Variants in PRKG1 observed in about 807,000 individuals in gnomAD.
The protein encoded by PRKG1 is protein kinase cGMP-dependent 1.
PRKG1 carries 35 observed loss-of-function variants against 88.1 expected under a neutral mutation model. The observed-to-expected ratio is 0.40, with a 90% CI of 0.30 to 0.53. The LOEUF is 0.53. Ranked by LOEUF, PRKG1 falls within the 20% of genes least tolerant of loss-of-function variation. The probability of loss-of-function intolerance (pLI) is 0.59; values close to 1 mark genes in which losing one functional copy is unlikely to be tolerated. For synonymous variants in PRKG1, 303 were observed against 292.5 expected, an observed-to-expected ratio of 1.04 and a Z score of -0.37; for missense variants, 540 against 839.8, an observed-to-expected ratio of 0.64 and a Z score of 4.41.
Position 51,805,928 on chromosome 10 carries a change from A to T in PRKG1, c.698+1238A>T, listed in dbSNP as rs1589302762. Among the ~76,000 whole-genome samples, 3 of 152,282 alleles carry T rather than the reference A, an allele frequency of 2.0e-5. No homozygotes were observed. In the South Asian group the frequency reaches 6.2e-4, roughly 32 times the overall value. ...GATTGGATGAAGAAACACTTAGAAG[A>T]GGTAGAAATGTAAATTCCTATTTGA... On this transcript the variant is annotated intron_variant, in intron 4 of 17. Coordinates refer to ENST00000373980, the MANE Select transcript of PRKG1 (RefSeq NM_006258.4).
chr10:51,635,114 C>T (rs1839622788), intron 3 of PRKG1, among the ~76,000 whole-genome samples: 1 of 151,838 alleles, frequency 6.6e-6, no homozygotes, highest in African/African-American at 2.4e-5. Flanking sequence ...AAAAGAATGC[C>T]TGGTAATTTG....
intron 1 of PRKG1, among the ~76,000 whole-genome samples, chr10:51,066,853 T>A (rs1356879802): frequency 6.6e-6 from 1 of 152,076 alleles, no homozygotes; most frequent in Non-Finnish European, 1.5e-5. Flanking sequence ...TTTATTACCA[T>A]TTTAAGGAAG....
At chr10:51,913,176 G>A (rs190099332) in intron 5 of PRKG1, among the ~76,000 whole-genome samples, 2 of 152,106 alleles carry the variant, frequency 1.3e-5, no homozygotes, top group Non-Finnish European at 2.9e-5. Context: ...TGATCCGCCC[G>A]CCTTGGCCTC....
chr10:52,033,701 T>C (rs1362454968), intron 5 of PRKG1, among the ~76,000 whole-genome samples: 1 of 152,096 alleles, frequency 6.6e-6, no homozygotes, highest in Non-Finnish European at 1.5e-5. Flanking sequence ...ATTATGAAAG[T>C]AGTGCAGGAG....
intron 1 of PRKG1, among the ~76,000 whole-genome samples, chr10:51,134,112 C>T (rs1231708764): frequency 2.0e-5 from 3 of 152,154 alleles, no homozygotes; most frequent in African/African-American, 7.2e-5. Context: ...TAATATCCGC[C>T]ATTATCAGAA....
At chr10:52,253,357 T>G (rs959376318) in intron 10 of PRKG1, 2 of 151,984 alleles carry the variant, frequency 1.3e-5, no homozygotes, top group African/African-American at 4.8e-5. Context: ...TTTGAAATAC[T>G]GAAAATAACT....
chr10:52,089,031 A>G (rs1176499609), intron 7 of PRKG1, among the ~76,000 whole-genome samples: 1 of 152,242 alleles, frequency 6.6e-6, no homozygotes, highest in African/African-American at 2.4e-5. Flanking sequence ...CGTTATTTTT[A>G]GAGTCAGAAA....
At chr10:52,167,178 A>G (rs1589666821) in intron 9 of PRKG1, among the ~76,000 whole-genome samples, 1 of 152,214 alleles carries the variant, frequency 6.6e-6, no homozygotes, top group Non-Finnish European at 1.5e-5. Flanking sequence ...GTTCTTGGCG[A>G]GGCCACTGGA....
intron 9 of PRKG1, among the ~76,000 whole-genome samples, chr10:52,172,477 C>T (rs1397652801): frequency 1.3e-5 from 2 of 152,182 alleles, no homozygotes; most frequent in Non-Finnish European, 2.9e-5. Flanking sequence ...TCCAGAGCCC[C>T]CAGAGAACAG....
chr10:51,637,296 A>G (rs1839680519), intron 3 of PRKG1, among the ~76,000 whole-genome samples: 1 of 152,190 alleles, frequency 6.6e-6, no homozygotes, highest in Non-Finnish European at 1.5e-5. Context: ...GTGGAGAAAA[A>G]GGAATTCCTT....
chr10:51,695,615 TG>T (rs1564610190), intron 3 of PRKG1: 1 of 152,190 alleles, frequency 6.6e-6, no homozygotes, highest in East Asian at 1.9e-4. Context: ...AATCTCAAAA[TG>T]ATCGAGCCAA....
At chr10:51,307,663 A>G (rs1446780009) in intron 2 of PRKG1, among the ~76,000 whole-genome samples, 1 of 152,174 alleles carries the variant, frequency 6.6e-6, no homozygotes, top group East Asian at 1.9e-4. Context: ...CATTAGACCA[A>G]ATATTCTATG....
At chr10:51,479,552 CT>C (rs1434038317) in intron 3 of PRKG1, among the ~76,000 whole-genome samples, 1 of 151,704 alleles carries the variant, frequency 6.6e-6, no homozygotes, top group Non-Finnish European at 1.5e-5. Flanking sequence ...TATTAGTGTC[CT>C]TTTTCTTCTA....
intron 3 of PRKG1, among the ~76,000 whole-genome samples, chr10:51,583,788 C>T (rs533457131): frequency 6.6e-6 from 1 of 152,166 alleles, no homozygotes. Context: ...TGCATATATA[C>T]TATAATGGAG....
intron 4 of PRKG1, among the ~76,000 whole-genome samples, chr10:51,898,973 A>G (rs959329688): frequency 1.3e-5 from 2 of 152,220 alleles, no homozygotes; most frequent in African/African-American, 4.8e-5. Context: ...GTAGTGAGAG[A>G]GAAAAAACAT....
At chr10:51,411,152 A>G (rs186978808) in intron 2 of PRKG1, among the ~76,000 whole-genome samples, 1 of 152,228 alleles carries the variant, frequency 6.6e-6, no homozygotes, top group Admixed American at 6.5e-5. Context: ...GGTGTGCACC[A>G]CCACGCTTGG....
chr10:51,234,344 G>T, intron 2 of PRKG1, among the ~76,000 whole-genome samples: 1 of 152,048 alleles, frequency 6.6e-6, no homozygotes, highest in Middle Eastern at 3.2e-3. Flanking sequence ...AGTCTTTTCT[G>T]CCCAGATTGC....
intron 4 of PRKG1, among the ~76,000 whole-genome samples, chr10:51,888,578 C>G (rs1327372406): frequency 6.6e-6 from 1 of 152,184 alleles, no homozygotes; most frequent in Non-Finnish European, 1.5e-5. Flanking sequence ...ATGGTGGCCT[C>G]TCCCTAGAGC....
intron 9 of PRKG1, among the ~76,000 whole-genome samples, chr10:52,163,939 G>A (rs1247307925): frequency 6.6e-6 from 1 of 152,162 alleles, no homozygotes; most frequent in Non-Finnish European, 1.5e-5. Flanking sequence ...GTCATTACCA[G>A]ACAAGTGATT....
Sources: gnomAD v4.1 joint callset for allele counts (sites outside exome capture counted in the v4.1 genomes callset) on GRCh38, gnomAD v4.1.1 for gene constraint, MANE v1.5 for transcripts, NCBI Gene and HGNC (gene_info 2026-07-23, HGNC 2026-07-21) for gene names.